The following UCHL3 variants were observed in gnomAD, a reference collection of about 807,000 sequenced individuals.
UCHL3 encodes ubiquitin C-terminal hydrolase L3.
A neutral mutation model predicts 35.8 loss-of-function variants in UCHL3; 22 were observed. That is an observed-to-expected ratio of 0.61 (90% CI 0.44 to 0.88). The LOEUF is 0.88. Among genes scored for constraint, UCHL3 ranks in the 40% least tolerant of loss-of-function variants. The pLI, the probability that UCHL3 is intolerant of heterozygous loss-of-function variation, is 0.00. For synonymous variants in UCHL3, 90 were observed against 92.8 expected (o/e 0.97, Z 0.17); for missense variants, 229 against 276.9 (o/e 0.83, Z 1.23).
chr13:75,567,450 A>G, intron 5 of UCHL3, 138 bp downstream of exon 5: 2 of 701,410 alleles, frequency 2.9e-6, no homozygotes, highest in Non-Finnish European at 4.7e-6. Context: ...AGCCTTTTGT[A>G]CTTTTCAGAT....
intron 6 of UCHL3, among the ~76,000 whole-genome samples, chr13:75,592,598 A>G (rs541643241): frequency 6.7e-6 from 1 of 149,464 alleles, no homozygotes; most frequent in African/African-American, 2.5e-5. Flanking sequence ...TTAGTGGAAT[A>G]ACTTTTAAGC....
chr13:75,574,697 T>A (rs1372531628), intron 6 of UCHL3, among the ~76,000 whole-genome samples: 1 of 152,238 alleles, frequency 6.6e-6, no homozygotes, highest in East Asian at 1.9e-4. Flanking sequence ...TTTATTTTAC[T>A]AGGCATCCAG....
intron 6 of UCHL3, among the ~76,000 whole-genome samples, chr13:75,580,752 C>G (rs1425826320): frequency 6.6e-6 from 1 of 152,204 alleles, no homozygotes; most frequent in Non-Finnish European, 1.5e-5. Context: ...CGTAAGATAG[C>G]TGTTACCCCA....
chr13:75,567,397 A>T, intron 5 of UCHL3, 85 bp downstream of exon 5: 1 of 1,231,012 alleles, frequency 8.1e-7, no homozygotes, highest in Non-Finnish European at 1.2e-6. Context: ...TCTTGAAACC[A>T]TAGTTTTGAG....
At chr13:75,555,290 A>G (rs1409838801) in intron 2 of UCHL3, among the ~76,000 whole-genome samples, 1 of 152,192 alleles carries the variant, frequency 6.6e-6, no homozygotes, top group Admixed American at 6.5e-5. Context: ...CCAAATCTGT[A>G]CTGTCATCCT....
At chr13:75,601,390 C>T (rs2328963) in intron 7 of UCHL3, among the ~76,000 whole-genome samples, 117,268 of 152,012 alleles carry the variant, frequency 0.77, 45,989 homozygotes, top group Middle Eastern at 0.88. Flanking sequence ...ATGTGGCAAA[C>T]TTCATTATTG....
intron 6 of UCHL3, among the ~76,000 whole-genome samples, chr13:75,571,619 C>T (rs940224847): frequency 2.0e-5 from 3 of 152,168 alleles, no homozygotes; most frequent in African/African-American, 4.8e-5. Flanking sequence ...TTCATTTTCA[C>T]ACACTTCTGC....
At chr13:75,587,034 A>AAAG (rs1206531733) in intron 6 of UCHL3, among the ~76,000 whole-genome samples, 1 of 151,218 alleles carries the variant, frequency 6.6e-6, no homozygotes, top group Non-Finnish European at 1.5e-5. Flanking sequence ...AAAAAAAAAA[A>AAAG]AGAGCAAATT....
At chr13:75,598,297 C>T (rs972391034) in intron 7 of UCHL3, among the ~76,000 whole-genome samples, 3 of 152,124 alleles carry the variant, frequency 2.0e-5, no homozygotes, top group Non-Finnish European at 2.9e-5. Context: ...TTTAAAACTT[C>T]GGTGTGTATT....
intron 3 of UCHL3, among the ~76,000 whole-genome samples, chr13:75,563,952 A>G (rs1258724835): frequency 1.3e-5 from 2 of 149,772 alleles, no homozygotes; most frequent in Non-Finnish European, 3.0e-5. Flanking sequence ...GTCTATATCT[A>G]TGCCACCTTT....
At chr13:75,584,444 G>T (rs2032268491) in intron 6 of UCHL3, among the ~76,000 whole-genome samples, 1 of 152,094 alleles carries the variant, frequency 6.6e-6, no homozygotes, top group Non-Finnish European at 1.5e-5. Flanking sequence ...TAAACCAATG[G>T]TATTCTCAAG....
intron 3 of UCHL3, among the ~76,000 whole-genome samples, chr13:75,562,615 A>G (rs2031553598): frequency 6.6e-6 from 1 of 152,116 alleles, no homozygotes; most frequent in Non-Finnish European, 1.5e-5. Context: ...TGAATTGGAA[A>G]TTTCCAAACC....
intron 6 of UCHL3, among the ~76,000 whole-genome samples, chr13:75,580,686 G>A (rs534128204): frequency 6.6e-6 from 1 of 152,192 alleles, no homozygotes; most frequent in East Asian, 1.9e-4. Context: ...CTGAATTCAT[G>A]TTATGGGGCA....
At chr13:75,567,084 C>T (rs1319423965) in intron 4 of UCHL3, 143 bp from the exon 5 acceptor site, 1 of 862,762 alleles carries the variant, frequency 1.2e-6, no homozygotes, top group African/African-American at 1.7e-5. Context: ...TAAGGCTTAT[C>T]ATTTATAACA....
chr13:75,560,537 A>G (rs1374105531), intron 2 of UCHL3, among the ~76,000 whole-genome samples: 1 of 152,190 alleles, frequency 6.6e-6, no homozygotes, highest in East Asian at 1.9e-4. Flanking sequence ...ACAAAAATTG[A>G]ACATATTTAG....
chr13:75,563,579 AG>A lies in UCHL3; in HGVS notation c.183+2699del, dbSNP rs565597901. On this transcript the variant is annotated intron_variant, in intron 3 of 8. Coordinates refer to ENST00000377595, the MANE Select transcript of UCHL3 (RefSeq NM_006002.5). ...CATAGTAAAATAGTTACAATAGTGA[AG>A]CAGATTAATATATCTATCATCACAT... Among the ~76,000 whole-genome samples the A allele has an allele frequency of 6.6e-5, 10 of 152,312 alleles. No homozygotes were observed. In the South Asian group the frequency reaches 2.1e-3, roughly 32 times the overall value.
intron 6 of UCHL3, among the ~76,000 whole-genome samples, chr13:75,587,085 A>G (rs1157702460): frequency 6.6e-6 from 1 of 151,908 alleles, no homozygotes; most frequent in Non-Finnish European, 1.5e-5. Context: ...CAAAGGTAAA[A>G]GCAGAAGTCA....
intron 6 of UCHL3, among the ~76,000 whole-genome samples, chr13:75,585,672 C>A (rs1566224077): frequency 6.6e-6 from 1 of 151,750 alleles, no homozygotes; most frequent in Non-Finnish European, 1.5e-5. Flanking sequence ...ATTACTAAAT[C>A]AAAGATAGCA....
At chr13:75,594,082 A>G (rs1260896139) in intron 6 of UCHL3, among the ~76,000 whole-genome samples, 5 of 152,230 alleles carry the variant, frequency 3.3e-5, no homozygotes, top group Admixed American at 6.5e-5. Context: ...TATTAATATT[A>G]GCTGTATAGT....
Sources: gnomAD v4.1 joint callset for allele counts (sites outside exome capture counted in the v4.1 genomes callset) on GRCh38, gnomAD v4.1.1 for gene constraint, MANE v1.5 for transcripts, NCBI Gene and HGNC (gene_info 2026-07-23, HGNC 2026-07-21) for gene names.